Variants in FAM135A observed in about 807,000 individuals in gnomAD.
FAM135A encodes family with sequence similarity 135 member A.
Under a neutral mutation model 146.8 loss-of-function variants are expected in FAM135A, and 79 were observed. The observed-to-expected ratio is 0.54, with a 90% CI of 0.45 to 0.65. The LOEUF (loss-of-function observed/expected upper bound fraction) is 0.65. FAM135A is among the 30% of genes least tolerant of loss of function. The probability of loss-of-function intolerance (pLI) is 0.00; values close to 1 mark genes in which losing one functional copy is unlikely to be tolerated. For missense variants in FAM135A, 1,623 were observed against 1,758.2 expected, an observed-to-expected ratio of 0.92 and a Z score of 1.38; for synonymous variants, 562 against 603.6, an observed-to-expected ratio of 0.93 and a Z score of 1.01.
intron 11 of FAM135A, among the ~76,000 whole-genome samples, chr6:70,497,989 A>G (rs1262222429): frequency 1.3e-5 from 2 of 152,212 alleles, no homozygotes; most frequent in African/African-American, 4.8e-5. Context: ...CTGGCCTCAT[A>G]AAATGAGTTA....
At chr6:70,540,833 G>A (rs1797786283) in intron 20 of FAM135A, among the ~76,000 whole-genome samples, 1 of 152,144 alleles carries the variant, frequency 6.6e-6, no homozygotes, top group Non-Finnish European at 1.5e-5. Flanking sequence ...AGAATCAGCA[G>A]CACTGTAGGT....
At chr6:70,557,133 A>T (rs927179559) in intron 21 of FAM135A, 1 of 531,934 alleles carries the variant, frequency 1.9e-6, no homozygotes, top group African/African-American at 1.9e-5. Context: ...CTCTGAATTA[A>T]TGGGATTGAC....
intron 5 of FAM135A, among the ~76,000 whole-genome samples, chr6:70,473,772 G>A (rs940237473): frequency 2.6e-5 from 4 of 152,042 alleles, no homozygotes; most frequent in African/African-American, 9.7e-5. Flanking sequence ...ACTTCACTTG[G>A]ATTCCAGTAG....
chr6:70,487,066 GA>G (rs1282687138), intron 10 of FAM135A, among the ~76,000 whole-genome samples: 3 of 109,098 alleles, frequency 2.7e-5, no homozygotes, highest in African/African-American at 1.1e-4. Context: ...CTGGGCAAGA[GA>G]GTCGGACTCC....
intron 20 of FAM135A, among the ~76,000 whole-genome samples, chr6:70,550,847 G>A (rs969579248): frequency 2.6e-5 from 4 of 152,164 alleles, no homozygotes; most frequent in African/African-American, 9.7e-5. Flanking sequence ...CTGCTTTTTA[G>A]TGTAGTCTTG....
chr6:70,478,623 T>C (rs1390941418), intron 8 of FAM135A, among the ~76,000 whole-genome samples: 3 of 152,172 alleles, frequency 2.0e-5, no homozygotes, highest in East Asian at 3.8e-4. Flanking sequence ...ATTCTGTTGC[T>C]CTCTCATCTC....
In FAM135A at chr6:70,526,522, T is replaced by C. The variant is rs1317103522; in HGVS notation, c.3438T>C (p.Thr1146=). 6 of 1,613,640 alleles carry C rather than the reference T, an allele frequency of 3.7e-6. No individual in the cohort carries two copies. Among genetic ancestry groups the C allele is most frequent in the Admixed American group, 1.7e-5 (1 of 59,970 alleles). The change falls in exon 15 of 22, where the codon ACT becomes ACC. Residue 1146 remains threonine (T), a synonymous_variant. Transcript: ENST00000418814. ...DYLRDGINMP[T]VCTSGCLSFP... is the part of the protein sequence containing the mutation. The stretch of plus-strand genomic sequence containing the variant: ...TGAGAGATGGTATAAACATGCCTAC[T>C]GTCTGTACTTCTGGTTGTTTGTCCT...
At chr6:70,421,294 T>C (rs1768787388) in intron 2 of FAM135A, among the ~76,000 whole-genome samples, 1 of 152,172 alleles carries the variant, frequency 6.6e-6, no homozygotes, top group Admixed American at 6.5e-5. Flanking sequence ...TGCTTCTGTG[T>C]TTGGATTTAA....
chr6:70,420,998 CAGCT>C (rs1220907753), intron 2 of FAM135A, among the ~76,000 whole-genome samples: 1 of 152,028 alleles, frequency 6.6e-6, no homozygotes, highest in African/African-American at 2.4e-5. Flanking sequence ...CCTCCCACCT[CAGCT>C]TTCTGAGTAG....
intron 12 of FAM135A, among the ~76,000 whole-genome samples, chr6:70,516,051 AG>A (rs1792124144): frequency 1.3e-5 from 2 of 152,106 alleles, no homozygotes; most frequent in South Asian, 4.1e-4. Context: ...TTGCCTGTCT[AG>A]TGCTTGTTCC....
intron 4 of FAM135A, among the ~76,000 whole-genome samples, chr6:70,433,875 A>G (rs576901739): frequency 1.4e-4 from 22 of 152,374 alleles, no homozygotes; most frequent in African/African-American, 4.6e-4. Flanking sequence ...AATTTTTACT[A>G]TAATTACATT....
At position 70,460,480 on chromosome 6, in the gene FAM135A, G is replaced by A. The variant is rs185933418; in HGVS notation, c.157+7909G>A. Among the ~76,000 whole-genome samples, 9 of 152,172 alleles carry A rather than the reference G, an allele frequency of 5.9e-5. No homozygotes were observed. In the East Asian group the frequency reaches 1.4e-3, roughly 23 times the overall value. ...TAACTAGTTAAATCTTTTGTCCTTT[G>A]TCTATTGGTTGGTTCTAAAGGTTGA... On this transcript the variant is annotated intron_variant, in intron 5 of 21. Coordinates refer to ENST00000418814, the MANE Select transcript of FAM135A (RefSeq NM_001162529.3).
At chr6:70,519,114 A>C (rs891669178) in intron 12 of FAM135A, among the ~76,000 whole-genome samples, 3 of 152,244 alleles carry the variant, frequency 2.0e-5, no homozygotes, top group Admixed American at 6.5e-5. Context: ...CAAAATATCA[A>C]CATGAACAGA....
intron 9 of FAM135A, among the ~76,000 whole-genome samples, chr6:70,481,293 C>T (rs910437484): frequency 7.9e-5 from 12 of 152,166 alleles, no homozygotes; most frequent in Non-Finnish European, 1.8e-4. Flanking sequence ...CTTGGTCCAA[C>T]AACTGGTAGA....
chr6:70,472,698 C>T (rs139129749), intron 5 of FAM135A, among the ~76,000 whole-genome samples: 1 of 152,306 alleles, frequency 6.6e-6, no homozygotes, highest in Non-Finnish European at 1.5e-5. Flanking sequence ...CATCCTAGAA[C>T]AGTTCCTCAG....
intron 4 of FAM135A, among the ~76,000 whole-genome samples, chr6:70,439,088 C>T (rs994687570): frequency 3.9e-5 from 6 of 152,136 alleles, no homozygotes; most frequent in African/African-American, 1.4e-4. Flanking sequence ...GTGGGAGAGT[C>T]GCTTGAGTCC....
intron 12 of FAM135A, among the ~76,000 whole-genome samples, chr6:70,520,848 T>A (rs749543056): frequency 1.3e-5 from 2 of 152,236 alleles, no homozygotes; most frequent in Non-Finnish European, 2.9e-5. Flanking sequence ...ATGATAATTA[T>A]GCTGAGAGTG....
At chr6:70,414,078 T>C (rs1766927471) in intron 1 of FAM135A, 1 of 981,468 alleles carries the variant, frequency 1.0e-6, no homozygotes, top group Non-Finnish European at 1.2e-6. Flanking sequence ...TTCGTGGTTC[T>C]GCTTTTTCAT....
At position 70,523,995 on chromosome 6, in the gene FAM135A, G is replaced by A. The variant is rs1185730489; in HGVS notation, c.1132G>A (p.Ala378Thr). ...TCAGAGTCATCTACAGATGTGCACC[G>A]CTATCAAAAATACTTCCTTCTGCAG... The part of the protein sequence containing the change: ...HAQSHLQMCT[A>T]IKNTSFCSSL... Residue 378 changes from alanine to threonine, a missense_variant, in exon 14 of 22, where the codon GCT (alanine) becomes ACT (threonine). This residue lies in a region of FAM135A where 23 missense variants were observed against 47.7 expected (regional missense o/e 0.48). Transcript: ENST00000418814. The A allele has an allele frequency of 5.0e-6, 8 of 1,611,834 alleles. No homozygotes were observed. The highest frequency in any genetic ancestry group is 2.2e-5 in the East Asian group (1 of 44,794).
Sources: allele counts gnomAD v4.1 joint callset (sites outside exome capture counted in the v4.1 genomes callset), GRCh38; gene constraint gnomAD v4.1.1; regional missense constraint gnomAD v4.1.1; transcripts MANE v1.5; gene names NCBI Gene and HGNC (gene_info 2026-07-23, HGNC 2026-07-21).